The following ZNF254 variants were observed in gnomAD, a reference collection of about 807,000 sequenced individuals.
The protein encoded by ZNF254 is CTD-2017D11.1.
A neutral mutation model predicts 12.4 loss-of-function variants in ZNF254; 10 were observed. The ratio of observed to expected loss-of-function variants is 0.80; its 90% confidence interval spans 0.50 to 1.36. The LOEUF (loss-of-function observed/expected upper bound fraction) is 1.36, where lower values mean the gene tolerates loss of function less well. ZNF254 is among the 40% of genes most tolerant of loss of function. ZNF254 has a pLI of 0.00. For synonymous variants in ZNF254, 305 were observed against 253.4 expected (o/e 1.20, Z -1.93); for missense variants, 996 against 763.9 (o/e 1.30, Z -3.58).
At chr19:24,092,611 G>A (rs1407143789) in intron 1 of ZNF254, among the ~76,000 whole-genome samples, 1 of 151,964 alleles carries the variant, frequency 6.6e-6, no homozygotes, top group Non-Finnish European at 1.5e-5. Flanking sequence ...AAACTCCTGA[G>A]CTCAGGCAAT....
chr19:24,071,535 G>A (rs190919748), intron 2 of ZNF254, among the ~76,000 whole-genome samples: 68 of 152,284 alleles, frequency 4.5e-4, no homozygotes, highest in Non-Finnish European at 8.4e-4. Flanking sequence ...TCTCTTCTAC[G>A]TGAGCCTCAC....
At chr19:24,056,181 G>A (rs61438161) in intron 2 of ZNF254, among the ~76,000 whole-genome samples, 22,519 of 152,062 alleles carry the variant, frequency 0.15, 1,897 homozygotes, top group Middle Eastern at 0.23. Flanking sequence ...TACGGAAGGC[G>A]TTGGGACATG....
chr19:24,041,794 G>A (rs1426558756), intron 1 of ZNF254, among the ~76,000 whole-genome samples: 1 of 152,258 alleles, frequency 6.6e-6, no homozygotes. Flanking sequence ...TGGTGGGGAC[G>A]TGGAGAGTCT....
intron 2 of ZNF254, among the ~76,000 whole-genome samples, chr19:24,061,290 A>G (rs1160303851): frequency 2.0e-5 from 3 of 152,188 alleles, no homozygotes; most frequent in African/African-American, 7.2e-5. Context: ...GTGACATATC[A>G]CTGGAACCAG....
At chr19:24,095,882 G>T (rs1344905201) in intron 1 of ZNF254, among the ~76,000 whole-genome samples, 2 of 151,746 alleles carry the variant, frequency 1.3e-5, no homozygotes, top group Non-Finnish European at 2.9e-5. Flanking sequence ...GTTATTTCTT[G>T]TCTGCTGCTA....
intron 3 of ZNF254, among the ~76,000 whole-genome samples, chr19:24,116,792 T>G (rs913915470): frequency 1.3e-5 from 2 of 152,110 alleles, no homozygotes; most frequent in Non-Finnish European, 2.9e-5. Context: ...GAGTTTCCAG[T>G]TTTTCTGCTG....
intron 3 of ZNF254, among the ~76,000 whole-genome samples, chr19:24,109,497 A>T (rs1973534285): frequency 6.6e-6 from 1 of 151,892 alleles, no homozygotes; most frequent in Non-Finnish European, 1.5e-5. Context: ...GTGTCTATTG[A>T]TTTCGTGCAT....
At chr19:24,083,007 T>A (rs1051143109), upstream of ZNF254, among the ~76,000 whole-genome samples, 1 of 152,156 alleles carries the variant, frequency 6.6e-6, no homozygotes, top group Non-Finnish European at 1.5e-5. Context: ...GCCTCCAAGT[T>A]GGTAAAGAGG....
chr19:24,095,385 A>G (rs1347459653), intron 1 of ZNF254, among the ~76,000 whole-genome samples: 1 of 152,150 alleles, frequency 6.6e-6, no homozygotes, highest in Non-Finnish European at 1.5e-5. Context: ...GTATCAGAAT[A>G]GTGCTGTTCT....
rs771352084 is a variant in ZNF254 at position 24,127,154 on chromosome 19, A to G, written c.1154A>G (p.Lys385Arg). 4 of 1,613,510 alleles carry G rather than the reference A, an allele frequency of 2.5e-6. No individual in the cohort carries two copies. Among genetic ancestry groups the G allele is most frequent in the East Asian group, 4.5e-5 (2 of 44,818 alleles). The change falls in exon 4 of 4, where the codon AAA becomes AGA. Residue 385 changes from lysine to arginine, a missense_variant. Transcript: ENST00000357002. ...EKRYKCLECG[K>R]AFKQLSTLTT... ...CGCTACAAATGCTTAGAATGTGGCA[A>G]AGCTTTTAAGCAACTCTCAACTCTT...
At chr19:24,065,221 G>A (rs573235133) in intron 2 of ZNF254, among the ~76,000 whole-genome samples, 1 of 152,258 alleles carries the variant, frequency 6.6e-6, no homozygotes, top group East Asian at 1.9e-4. Context: ...ATATATTGCT[G>A]GGCCCAGGAA....
intron 2 of ZNF254, among the ~76,000 whole-genome samples, chr19:24,052,750 T>C (rs1409760188): frequency 6.6e-6 from 1 of 152,148 alleles, no homozygotes; most frequent in Non-Finnish European, 1.5e-5. Flanking sequence ...AAAAGGCAGG[T>C]GATGTGAGTC....
In ZNF254 at chr19:24,126,952, A is replaced by G. The variant is rs879083679; in HGVS notation, c.952A>G (p.Arg318Gly). ...TACTGAGCATAAGAAAATTCATACT[A>G]GAAAGAAACCCTACAAGTGTGAAGA... ...TLTEHKKIHT[R>G]KKPYKCEECG... is the part of the protein sequence containing the mutation. The change falls in exon 4 of 4, where the codon AGA (arginine) becomes GGA (glycine). Residue 318 changes from arginine (R) to glycine (G), a missense_variant. Arg to Gly is a moderately radical substitution (Grantham distance 125). Transcript: ENST00000357002. The G allele has an allele frequency of 6.2e-7, 1 of 1,613,056 alleles. No homozygotes were observed. Among genetic ancestry groups the G allele is most frequent in the Non-Finnish European group, 8.5e-7 (1 of 1,179,628 alleles).
At chr19:24,047,596 C>CT (rs386388790) in intron 2 of ZNF254, among the ~76,000 whole-genome samples, 7,389 of 107,830 alleles carry the variant, frequency 0.069, 452 homozygotes, top group African/African-American at 0.15. Context: ...TTCATTCTTC[C>CT]TTTTTTTTTT....
chr19:24,118,744 C>T (rs1974278397), intron 3 of ZNF254, among the ~76,000 whole-genome samples: 1 of 152,004 alleles, frequency 6.6e-6, no homozygotes, highest in African/African-American at 2.4e-5. Context: ...GTTGCTTATG[C>T]ATTTAATGTT....
intron 3 of ZNF254, among the ~76,000 whole-genome samples, chr19:24,125,806 G>A (rs796964935): frequency 3.3e-5 from 5 of 152,162 alleles, no homozygotes; most frequent in African/African-American, 1.2e-4. Context: ...ATTTCTTTCA[G>A]TACTTTATGT....
intron 1 of ZNF254, among the ~76,000 whole-genome samples, chr19:24,093,750 G>A (rs369492214): frequency 1.0e-3 from 153 of 152,092 alleles, no homozygotes; most frequent in Middle Eastern, 3.4e-3. Flanking sequence ...TTTTGCTTGT[G>A]ATTACCTTGG....
At chr19:24,081,743 A>C (rs1971852572) in intron 2 of ZNF254, among the ~76,000 whole-genome samples, 1 of 152,178 alleles carries the variant, frequency 6.6e-6, no homozygotes, top group Non-Finnish European at 1.5e-5. Flanking sequence ...TTAAATATTG[A>C]TTAGTATTCA....
intron 3 of ZNF254, among the ~76,000 whole-genome samples, chr19:24,109,125 T>C (rs1973509948): frequency 1.3e-5 from 2 of 152,206 alleles, no homozygotes; most frequent in Admixed American, 1.3e-4. Context: ...ACTTTGCTTC[T>C]AAACTTGGAT....
Sources: gnomAD v4.1 joint callset for allele counts (sites outside exome capture counted in the v4.1 genomes callset) on GRCh38, gnomAD v4.1.1 for gene constraint, MANE v1.5 for transcripts, NCBI Gene and HGNC (gene_info 2026-07-23, HGNC 2026-07-21) for gene names.